Variants in ADSS1 observed in about 807,000 individuals in gnomAD.
ADSS1 encodes adenylosuccinate synthetase isozyme 1.
In ADSS1, 57 loss-of-function variants were observed where a neutral mutation model predicts 59.1. That is an observed-to-expected ratio of 0.97 (90% confidence interval 0.78 to 1.20). The LOEUF (loss-of-function observed/expected upper bound fraction) is 1.20. Ranked by LOEUF, ADSS1 falls within the 50% of genes most tolerant of loss-of-function variation. ADSS1 has a pLI of 0.00. For synonymous variants in ADSS1, 247 were observed against 249.4 expected, an observed-to-expected ratio of 0.99 and a Z score of 0.09; for missense variants, 603 against 610.3, an observed-to-expected ratio of 0.99 and a Z score of 0.13.
intron 9 of ADSS1, among the ~76,000 whole-genome samples, chr14:104,742,380 C>T (rs1396612041): frequency 6.6e-6 from 1 of 152,260 alleles, no homozygotes; most frequent in Non-Finnish European, 1.5e-5. Flanking sequence ...AGCATCTTCC[C>T]TCAGCCTTGT....
At chr14:104,736,437 A>G (rs981264599) in intron 2 of ADSS1, among the ~76,000 whole-genome samples, 13 of 152,244 alleles carry the variant, frequency 8.5e-5, no homozygotes, top group African/African-American at 2.9e-4. Context: ...CAGGGCTCAC[A>G]CAGACACCCT....
chr14:104,739,899 G>A, intron 5 of ADSS1, 83 bp downstream of exon 5: 1 of 1,463,442 alleles, frequency 6.8e-7, no homozygotes, highest in Non-Finnish European at 9.5e-7. Context: ...CTGGTCCTGG[G>A]CACAACGAGG....
chr14:104,740,988 G>A lies in ADSS1; in HGVS notation c.666+68G>A. On this transcript the variant is annotated intron_variant, in intron 7 of 12. Coordinates refer to ENST00000330877, the MANE Select transcript of ADSS1 (RefSeq NM_152328.5). This position sits in a 1 kb window ranked among gnomAD's most constrained non-coding sequence, Gnocchi z 4.8. Reference sequence around the variant, plus strand: ...CCAGGGAGGCTGGATGTCCTACCTGGTGCTCGTTGAACACCCTTGGGGCAC... The same window carrying A: ...CCAGGGAGGCTGGATGTCCTACCTGATGCTCGTTGAACACCCTTGGGGCAC... 3 of 1,610,844 alleles carry A rather than the reference G, an allele frequency of 1.9e-6. No individual in the cohort carries two copies. The highest frequency in any genetic ancestry group is 2.5e-6 in the Non-Finnish European group (3 of 1,177,802).
At chr14:104,733,458 G>A (rs958350637) in intron 1 of ADSS1, among the ~76,000 whole-genome samples, 11 of 152,340 alleles carry the variant, frequency 7.2e-5, no homozygotes, top group African/African-American at 2.4e-4. Context: ...GCCACGAGGC[G>A]CCGGGGCTGT....
intron 2 of ADSS1, chr14:104,737,020 TATAGGC>T (rs1891162175): frequency 2.0e-5 from 3 of 151,682 alleles, no homozygotes; most frequent in Admixed American, 2.0e-4. Context: ...ATGTTGGGAT[TATAGGC>T]ATGAGCCACC....
chr14:104,746,876 T>G, intron 12 of ADSS1, 75 bp from the exon 13 acceptor site: 1 of 1,465,756 alleles, frequency 6.8e-7, no homozygotes. Flanking sequence ...CACAGAAAGA[T>G]ACGACACTAA....
intron 1 of ADSS1, among the ~76,000 whole-genome samples, chr14:104,732,827 C>T (rs896531072): frequency 3.3e-5 from 5 of 152,206 alleles, no homozygotes; most frequent in South Asian, 2.1e-4. Context: ...CAGATGCAGT[C>T]GTGGGCATGA....
intron 1 of ADSS1, among the ~76,000 whole-genome samples, chr14:104,726,003 C>T (rs895360903): frequency 1.3e-5 from 2 of 152,216 alleles, no homozygotes; most frequent in African/African-American, 4.8e-5. Flanking sequence ...CCCCCCACAG[C>T]CCCGCTCACT....
intron 10 of ADSS1, chr14:104,743,420 T>C: frequency 3.6e-6 from 2 of 550,968 alleles, no homozygotes; most frequent in South Asian, 4.2e-5. Context: ...CCAGGGCTGA[T>C]GCCGTGAAGG....
chr14:104,732,728 C>T (rs574747223), intron 1 of ADSS1, among the ~76,000 whole-genome samples: 2 of 152,282 alleles, frequency 1.3e-5, no homozygotes, highest in African/African-American at 2.4e-5. Context: ...CCCGCCCAGG[C>T]GGGGCTGTGT....
At chr14:104,741,779 C>T in intron 8 of ADSS1, 69 bp from the exon 9 acceptor site, 1 of 1,577,970 alleles carries the variant, frequency 6.3e-7, no homozygotes, top group Non-Finnish European at 8.6e-7. Flanking sequence ...ACTGAGAAGG[C>T]CTCTTGGGCC....
chr14:104,732,640 T>C (rs866433975), intron 1 of ADSS1, among the ~76,000 whole-genome samples: 3 of 152,234 alleles, frequency 2.0e-5, no homozygotes, highest in Non-Finnish European at 4.4e-5. Flanking sequence ...CCTGGGCCTG[T>C]TGACGTGGGC....
At chr14:104,741,389 C>T (rs543661619) in intron 8 of ADSS1, 146 bp downstream of exon 8, 2 of 1,106,334 alleles carry the variant, frequency 1.8e-6, no homozygotes, top group Non-Finnish European at 2.5e-6. Flanking sequence ...CGGAAATGAT[C>T]CTCGTGTCCT....
intron 3 of ADSS1, 128 bp downstream of exon 3, chr14:104,738,566 C>A: frequency 9.7e-7 from 1 of 1,034,572 alleles, no homozygotes; most frequent in Admixed American, 2.2e-5. Context: ...ACATAGCTGG[C>A]CCAGCTCATC....
intron 1 of ADSS1, among the ~76,000 whole-genome samples, chr14:104,727,074 C>T (rs1399214899): frequency 2.0e-5 from 3 of 152,222 alleles, no homozygotes; most frequent in Non-Finnish European, 4.4e-5. Context: ...TGCTGCTTTG[C>T]TCACCCTGGA....
chr14:104,731,061 T>C (rs868020256), intron 1 of ADSS1, among the ~76,000 whole-genome samples: 11 of 145,052 alleles, frequency 7.6e-5, no homozygotes, highest in Middle Eastern at 3.9e-3. Context: ...TGGAGGCAGG[T>C]AGAGAGCGCC....
chr14:104,735,190 C>T, intron 2 of ADSS1, 68 bp downstream of exon 2: 1 of 1,404,856 alleles, frequency 7.1e-7, no homozygotes, highest in Non-Finnish European at 9.8e-7. Context: ...GAGCCCCACG[C>T]ATGGGGGCAC....
rs57122419 is a variant in ADSS1 at position 104,736,881 on chromosome 14, GATATATATATATATATATATAT to G, written c.296-1484_296-1463del. ...CAGGCTTATGCCACCGCACCTAGCTGATATATATATATATATATATATATATATATATGCATTTTTTTTTTTT... is the reference window on the plus strand; with the variant it reads ...CAGGCTTATGCCACCGCACCTAGCTGATATATATATGCATTTTTTTTTTTT... On this transcript the variant is annotated intron_variant, in intron 2 of 12. Coordinates refer to ENST00000330877, the MANE Select transcript of ADSS1 (RefSeq NM_152328.5). Among the ~76,000 whole-genome samples the G allele has an allele frequency of 8.4e-5, 9 of 106,588 alleles. 1 individual carries two copies. The highest frequency in any genetic ancestry group is 1.4e-4 in the Non-Finnish European group (7 of 51,298). 69.9% of individuals were successfully genotyped at this position (106,588 alleles called of 152,430 possible).
chr14:104,747,120 CT>C lies in ADSS1; in HGVS notation c.*121del. The C allele has an allele frequency of 1.1e-6, 1 of 893,836 alleles. No individual in the cohort carries two copies. 55.4% of individuals were successfully genotyped at this position (893,836 alleles called of 1,614,324 possible). ...CAAAGCAGGAAAACCATTTTCTGTA[CT>C]TTTATATTTCTGTTCAACCTGTTGG... is the stretch of plus-strand genomic sequence containing the variant. On this transcript the variant is annotated 3_prime_UTR_variant, in exon 13 of 13. Transcript: ENST00000330877.
Sources: allele counts gnomAD v4.1 joint callset (sites outside exome capture counted in the v4.1 genomes callset), GRCh38; gene constraint gnomAD v4.1.1; non-coding constraint Gnocchi (gnomAD v3.1); transcripts MANE v1.5; gene names NCBI Gene and HGNC (gene_info 2026-07-23, HGNC 2026-07-21).